Variants in GRB2 observed in about 807,000 individuals in gnomAD.
GRB2 encodes growth factor receptor-bound protein 2.
Under a neutral mutation model 27.4 loss-of-function variants are expected in GRB2, and 2 were observed. That is an observed-to-expected ratio of 0.07 (90% CI 0.03 to 0.23). The LOEUF (loss-of-function observed/expected upper bound fraction) is 0.23. GRB2 is among the 10% of genes least tolerant of loss of function. The pLI, the probability that GRB2 is intolerant of heterozygous loss-of-function variation, is 1.00. For missense variants in GRB2, 102 were observed against 282.4 expected (o/e 0.36, Z 4.58); for synonymous variants, 94 against 99.6 (o/e 0.94, Z 0.33).
rs1159653922 is a variant in GRB2, at chr17:75,318,319, G to A, written c.*2049C>T. Reference sequence around the variant, plus strand: ...TCATCTGCGAGGAAAAGAGAAGCAGGATGAGGAAGAGTGAGGGAAGGCGGG... The same window carrying A: ...TCATCTGCGAGGAAAAGAGAAGCAGAATGAGGAAGAGTGAGGGAAGGCGGG... On this transcript the variant is annotated 3_prime_UTR_variant, in exon 6 of 6. Transcript: ENST00000316804. The A allele has an allele frequency of 1.3e-5, 2 of 152,200 alleles. No homozygotes were observed. Among genetic ancestry groups the A allele is most frequent in the African/African-American group, 4.8e-5 (2 of 41,440 alleles). 9.4% of individuals were successfully genotyped at this position (152,200 alleles called of 1,614,324 possible). A position where few individuals can be genotyped will look rare whatever the true frequency, so the allele number is the denominator to read the frequency against.
At chr17:75,337,099 C>T (rs1007630643) in intron 2 of GRB2, among the ~76,000 whole-genome samples, 11 of 152,234 alleles carry the variant, frequency 7.2e-5, no homozygotes, top group African/African-American at 2.4e-4. Flanking sequence ...ATTCTAGTAT[C>T]CAGAATATCA....
chr17:75,342,481 G>A (rs1317086236), intron 2 of GRB2, among the ~76,000 whole-genome samples: 1 of 151,846 alleles, frequency 6.6e-6, no homozygotes, highest in Non-Finnish European at 1.5e-5. Context: ...TGATGCCCCG[G>A]CTGTTCTCCA....
rs2084646765 is a variant in GRB2, at chr17:75,320,284, T to A, written c.*84A>T. ...AGGTGTTCTGCACTCCCTCACAGGC[T>A]GCTGTCAGAGGCAGCTTGTGGGTTT... On this transcript the variant is annotated 3_prime_UTR_variant, in exon 6 of 6. Transcript: ENST00000316804. This position sits in a 1 kb window ranked among gnomAD's most constrained non-coding sequence, Gnocchi z 4.3. 5 of 1,203,416 alleles carry A rather than the reference T, an allele frequency of 4.2e-6. No individual in the cohort carries two copies. The highest frequency in any genetic ancestry group is 1.7e-5 in the Admixed American group (1 of 57,156). The allele number at this position is 1,203,416 out of a possible 1,614,324, so 74.5% of individuals were successfully genotyped here.
At chr17:75,349,574 G>T (rs11657602) in intron 2 of GRB2, among the ~76,000 whole-genome samples, 1 of 146,254 alleles carries the variant, frequency 6.8e-6, no homozygotes, top group Non-Finnish European at 1.5e-5. Context: ...GCAGTGATGC[G>T]ATCTTGGCCC....
At chr17:75,324,995 G>C (rs1339008585) in intron 4 of GRB2, among the ~76,000 whole-genome samples, 1 of 152,148 alleles carries the variant, frequency 6.6e-6, no homozygotes, top group Non-Finnish European at 1.5e-5. Flanking sequence ...AGAACTGCTT[G>C]AACCTGGGAG....
Position 75,325,809 on chromosome 17 carries a change from TTG to T in GRB2, c.299+87_299+88del, listed in dbSNP as rs1313134708. On this transcript the variant is annotated intron_variant, in intron 4 of 5. Coordinates refer to ENST00000316804, the MANE Select transcript of GRB2 (RefSeq NM_002086.5). ...CTGTTTAGGCTAAGCCTCCACCATT[TTG>T]TGTGTAGCCAGGCACCTGACCAACG... is the stretch of plus-strand genomic sequence containing the variant. 9 of 1,327,128 alleles carry T rather than the reference TTG, an allele frequency of 6.8e-6. No individual in the cohort carries two copies. The African/African-American group carries it at 1.0e-4, about 15-fold the overall frequency. The allele number at this position is 1,327,128 out of a possible 1,614,324, so 82.2% of individuals were successfully genotyped here.
rs2078461443 is a variant in GRB2 at position 75,321,731 on chromosome 17, C to T, written c.396G>A (p.Val132=). ...VVKFNSLNEL[V]DYHRSTSVSR... The stretch of plus-strand genomic sequence containing the variant: ...AGACAGATGTAGATCTGTGATAATC[C>T]ACCAGCTCATTCAAAGAATTGAACT... Residue 132 remains valine (V), a synonymous_variant, in exon 5 of 6, where the codon GTG becomes GTA. Transcript: ENST00000316804. 2 of 1,613,942 alleles carry T rather than the reference C, an allele frequency of 1.2e-6. No homozygotes were observed. The highest frequency in any genetic ancestry group is 1.7e-6 in the Non-Finnish European group (2 of 1,179,966).
At chr17:75,337,313 A>C (rs2078583906) in intron 2 of GRB2, among the ~76,000 whole-genome samples, 1 of 152,146 alleles carries the variant, frequency 6.6e-6, no homozygotes, top group African/African-American at 2.4e-5. Flanking sequence ...GGAGTGATGT[A>C]ATTAGATGCT....
chr17:75,327,391 G>A, intron 3 of GRB2, among the ~76,000 whole-genome samples: 1 of 99,512 alleles, frequency 1.0e-5, no homozygotes, highest in East Asian at 3.1e-4. Flanking sequence ...TTTTTTTTTA[G>A]ATAGAGTCTC....
chr17:75,321,142 A>C (rs913497788), intron 5 of GRB2, among the ~76,000 whole-genome samples: 1 of 151,346 alleles, frequency 6.6e-6, no homozygotes, highest in Non-Finnish European at 1.5e-5. Context: ...CTGGAAAAGC[A>C]AAAACCTTGT....
At chr17:75,380,744 G>A (rs974165114) in intron 2 of GRB2, among the ~76,000 whole-genome samples, 6 of 152,090 alleles carry the variant, frequency 3.9e-5, no homozygotes, top group Non-Finnish European at 7.4e-5. Flanking sequence ...TATAAAAAAA[G>A]GAAATTAACC....
At chr17:75,321,863 GGCTCT>G in intron 4 of GRB2, 36 bp from the exon 5 acceptor site, 1 of 1,605,712 alleles carries the variant, frequency 6.2e-7, no homozygotes, top group African/African-American at 1.3e-5. Flanking sequence ...ACCGGCTAAA[GGCTCT>G]AACTTGGCAA....
chr17:75,351,387 C>T (rs953547856), intron 2 of GRB2, among the ~76,000 whole-genome samples: 3 of 152,080 alleles, frequency 2.0e-5, no homozygotes, highest in Non-Finnish European at 4.4e-5. Flanking sequence ...TGGTGGCTGA[C>T]ACCTGTAATC....
intron 2 of GRB2, among the ~76,000 whole-genome samples, chr17:75,352,816 T>C (rs890169644): frequency 6.6e-6 from 1 of 152,042 alleles, no homozygotes; most frequent in African/African-American, 2.4e-5. Context: ...CAGTTTTCTC[T>C]AGTTGAATTT....
At chr17:75,378,445 G>A (rs2078908449) in intron 2 of GRB2, among the ~76,000 whole-genome samples, 2 of 152,118 alleles carry the variant, frequency 1.3e-5, no homozygotes, top group African/African-American at 2.4e-5. Context: ...AATTTTTCAT[G>A]TGGTCACCTG....
intron 2 of GRB2, among the ~76,000 whole-genome samples, chr17:75,354,963 A>G (rs767151019): frequency 6.9e-4 from 105 of 152,154 alleles, no homozygotes; most frequent in Non-Finnish European, 1.3e-3. Flanking sequence ...ACATGCCAAC[A>G]TGCCTGGCTA....
At chr17:75,332,663 G>T in intron 3 of GRB2, 37 bp downstream of exon 3, 1 of 1,180,136 alleles carries the variant, frequency 8.5e-7, no homozygotes, top group Non-Finnish European at 1.3e-6. Flanking sequence ...CAAGGAGGTG[G>T]GTCCAACCCT....
chr17:75,361,828 G>A (rs1480773895), intron 2 of GRB2, among the ~76,000 whole-genome samples: 1 of 151,768 alleles, frequency 6.6e-6, no homozygotes, highest in Non-Finnish European at 1.5e-5. Context: ...AATGAGAGAT[G>A]AGAGGATTGC....
intron 3 of GRB2, among the ~76,000 whole-genome samples, chr17:75,328,287 G>A (rs1373551564): frequency 2.6e-5 from 4 of 151,524 alleles, no homozygotes; most frequent in East Asian, 3.9e-4. Context: ...CTGTGCCACC[G>A]CACTCCAGCC....
Sources: allele counts gnomAD v4.1 joint callset (sites outside exome capture counted in the v4.1 genomes callset), GRCh38; gene constraint gnomAD v4.1.1; non-coding constraint Gnocchi (gnomAD v3.1); transcripts MANE v1.5; gene names NCBI Gene and HGNC (gene_info 2026-07-23, HGNC 2026-07-21).